Variants in NOL4 observed in about 807,000 individuals in gnomAD.
The protein encoded by NOL4 is cancer/testis antigen 125.
A neutral mutation model predicts 75.9 loss-of-function variants in NOL4; 17 were observed. The ratio of observed to expected loss-of-function variants is 0.22; its 90% CI spans 0.15 to 0.34. NOL4 has a LOEUF of 0.34. Among genes scored for constraint, NOL4 ranks in the 10% least tolerant of loss-of-function variants. The probability of loss-of-function intolerance (pLI) is 1.00; values close to 1 mark genes in which losing one functional copy is unlikely to be tolerated. For synonymous variants in NOL4, 292 were observed against 289.9 expected, an observed-to-expected ratio of 1.01 and a Z score of -0.07; for missense variants, 614 against 793.5, an observed-to-expected ratio of 0.77 and a Z score of 2.72.
intron 2 of NOL4, among the ~76,000 whole-genome samples, chr18:34,124,086 A>G (rs958782314): frequency 1.3e-5 from 2 of 152,160 alleles, no homozygotes; most frequent in Non-Finnish European, 2.9e-5. Context: ...TAATAATAAA[A>G]TGGGGAAAAA....
At chr18:33,966,542 AC>A (rs1487119088) in intron 6 of NOL4, among the ~76,000 whole-genome samples, 2 of 152,290 alleles carry the variant, frequency 1.3e-5, no homozygotes, top group East Asian at 3.9e-4. Flanking sequence ...TATTTTGAAA[AC>A]CTTAAAGTCT....
chr18:33,899,127 A>G, intron 9 of NOL4, among the ~76,000 whole-genome samples: 1 of 152,162 alleles, frequency 6.6e-6, no homozygotes, highest in East Asian at 1.9e-4. Context: ...GGAGATAAAG[A>G]GGGTGAATAC....
intron 5 of NOL4, among the ~76,000 whole-genome samples, chr18:34,054,627 T>C (rs536917327): frequency 5.3e-5 from 8 of 151,946 alleles, no homozygotes; most frequent in Non-Finnish European, 8.8e-5. Context: ...AGACAGCATA[T>C]AGTTTGATCT....
intron 1 of NOL4, among the ~76,000 whole-genome samples, chr18:34,137,356 T>C (rs1185778605): frequency 6.6e-6 from 1 of 152,090 alleles, no homozygotes; most frequent in Non-Finnish European, 1.5e-5. Flanking sequence ...TGACATCTCA[T>C]ACAAATGGGA....
intron 6 of NOL4, among the ~76,000 whole-genome samples, chr18:34,013,020 C>T (rs140153810): frequency 2.6e-4 from 39 of 151,972 alleles, no homozygotes; most frequent in African/African-American, 7.2e-4. Context: ...TTAATAATGT[C>T]GCTGGAATGT....
At chr18:33,858,489 A>G (rs1164982633) in intron 10 of NOL4, among the ~76,000 whole-genome samples, 1 of 152,004 alleles carries the variant, frequency 6.6e-6, no homozygotes, top group African/African-American at 2.4e-5. Flanking sequence ...TAGATATTCT[A>G]TAAGTGGTAA....
chr18:33,859,483 G>A (rs145534936), intron 10 of NOL4, among the ~76,000 whole-genome samples: 1 of 151,970 alleles, frequency 6.6e-6, no homozygotes, highest in Non-Finnish European at 1.5e-5. Context: ...TTTGTTTTTT[G>A]TTTTTCTGAG....
At chr18:34,222,557 G>A (rs575182106) in intron 1 of NOL4, 26 of 625,412 alleles carry the variant, frequency 4.2e-5, no homozygotes, top group Middle Eastern at 1.6e-3. Context: ...GTAGACTATC[G>A]ATCAGACTCG....
chr18:34,012,151 G>A (rs1258292287), intron 6 of NOL4, among the ~76,000 whole-genome samples: 1 of 151,888 alleles, frequency 6.6e-6, no homozygotes, highest in African/African-American at 2.4e-5. Flanking sequence ...AAACATGGTA[G>A]CATAATGATT....
intron 2 of NOL4, among the ~76,000 whole-genome samples, chr18:34,106,306 A>G (rs2079275956): frequency 6.6e-6 from 1 of 152,052 alleles, no homozygotes; most frequent in Non-Finnish European, 1.5e-5. Flanking sequence ...AGAAAACCCC[A>G]TATACTAAGA....
intron 6 of NOL4, among the ~76,000 whole-genome samples, chr18:33,991,144 G>A (rs1488048821): frequency 2.0e-5 from 3 of 151,712 alleles, no homozygotes; most frequent in East Asian, 2.0e-4. Context: ...TCCTCTCACC[G>A]ATATCCACAA....
At chr18:34,139,830 C>A (rs938913758) in intron 1 of NOL4, among the ~76,000 whole-genome samples, 2 of 152,134 alleles carry the variant, frequency 1.3e-5, no homozygotes, top group African/African-American at 4.8e-5. Flanking sequence ...CTATAAACTT[C>A]CCTCTACACA....
At chr18:33,925,724 T>C (rs1291487798) in intron 9 of NOL4, among the ~76,000 whole-genome samples, 2 of 152,162 alleles carry the variant, frequency 1.3e-5, no homozygotes, top group South Asian at 2.1e-4. Flanking sequence ...TATTTTGTGC[T>C]GTGTTGGTCT....
At chr18:34,148,541 T>A (rs1453200827) in intron 1 of NOL4, among the ~76,000 whole-genome samples, 1 of 152,184 alleles carries the variant, frequency 6.6e-6, no homozygotes, top group Non-Finnish European at 1.5e-5. Flanking sequence ...AGTTTCTTAA[T>A]CCTGAGTTCT....
At chr18:33,885,578 A>G (rs145335888) in intron 9 of NOL4, among the ~76,000 whole-genome samples, 1 of 152,320 alleles carries the variant, frequency 6.6e-6, no homozygotes, top group East Asian at 1.9e-4. Context: ...GGTGCTCAAC[A>G]TCATTGATGA....
intron 9 of NOL4, among the ~76,000 whole-genome samples, chr18:33,887,980 C>T (rs372776263): frequency 1.3e-5 from 2 of 151,972 alleles, no homozygotes; most frequent in African/African-American, 2.4e-5. Context: ...TTCTAGATCC[C>T]TGAGGAATCG....
At chr18:34,076,248 T>C (rs554470092) in intron 5 of NOL4, among the ~76,000 whole-genome samples, 3 of 152,284 alleles carry the variant, frequency 2.0e-5, no homozygotes, top group African/African-American at 7.2e-5. Context: ...AAGCAGAACA[T>C]GACCTAGAAT....
intron 10 of NOL4, among the ~76,000 whole-genome samples, chr18:33,864,341 C>G (rs116853771): frequency 1.3e-5 from 2 of 152,026 alleles, no homozygotes; most frequent in Admixed American, 6.6e-5. Context: ...ACTTTTATGC[C>G]CTGTTTCTGT....
intron 10 of NOL4, among the ~76,000 whole-genome samples, chr18:33,862,912 C>G (rs1327239189): frequency 2.0e-5 from 3 of 152,174 alleles, no homozygotes; most frequent in Non-Finnish European, 4.4e-5. Context: ...CCAGCCATCC[C>G]ATTACTGGGA....
Sources: allele counts gnomAD v4.1 joint callset (sites outside exome capture counted in the v4.1 genomes callset), GRCh38; gene constraint gnomAD v4.1.1; transcripts MANE v1.5; gene names NCBI Gene and HGNC (gene_info 2026-07-23, HGNC 2026-07-21).